SLC8A1: variants seen among roughly 807,000 people sequenced by gnomAD.
The protein encoded by SLC8A1 is solute carrier family 8 member A1.
In SLC8A1, 18 loss-of-function variants were observed where a neutral mutation model predicts 68.3. The observed-to-expected ratio is 0.26, with a 90% CI of 0.18 to 0.39. The LOEUF (loss-of-function observed/expected upper bound fraction) is 0.39, where lower values mean the gene tolerates loss of function less well. Ranked by LOEUF, SLC8A1 falls within the 10% of genes least tolerant of loss-of-function variation. The pLI is 1.00. For synonymous variants in SLC8A1, 475 were observed against 415.5 expected (o/e 1.14, Z -1.74); for missense variants, 985 against 1,156.7 (o/e 0.85, Z 2.15).
intron 2 of SLC8A1, among the ~76,000 whole-genome samples, chr2:40,231,511 T>G (rs763981618): frequency 1.3e-5 from 2 of 152,132 alleles, no homozygotes; most frequent in African/African-American, 4.8e-5. Context: ...TTTTATTTTC[T>G]TTGAGTCTCA....
In SLC8A1 at chr2:40,268,524, C is replaced by T. The variant is rs185049545; in HGVS notation, c.1809-90669G>A. 2.0e-5 allele frequency among the ~76,000 whole-genome samples: 3 copies of T among 152,142 alleles called. No individual in the cohort carries two copies. In the East Asian group the frequency reaches 5.8e-4, roughly 29 times the overall value. On this transcript the variant is annotated intron_variant, in intron 2 of 7. Coordinates refer to ENST00000406785, the Ensembl canonical transcript of SLC8A1. ...CAGGATATGGGGAATGCCTTGGTAC[C>T]CCCCATTAATGTTAATAGGAATCAT...
At chr2:40,379,049 T>C (rs1680864489) in intron 2 of SLC8A1, among the ~76,000 whole-genome samples, 1 of 152,144 alleles carries the variant, frequency 6.6e-6, no homozygotes, top group South Asian at 2.1e-4. Flanking sequence ...TTTGTCACTG[T>C]TTTACCGCCA....
chr2:40,449,290 T>G (rs950733762), intron 1 of SLC8A1, among the ~76,000 whole-genome samples: 29 of 152,148 alleles, frequency 1.9e-4, no homozygotes, highest in African/African-American at 7.0e-4. Context: ...GAATTGCAAC[T>G]TCCTTGGATC....
chr2:40,139,597 C>G (rs757993523), exon 7 of SLC8A1: 2 of 1,614,182 alleles, frequency 1.2e-6, no homozygotes, highest in Admixed American at 1.7e-5. Context: ...CCTTCCAGAA[C>G]ACAGTCAGAA....
In SLC8A1 at chr2:40,495,004, T is replaced by C. The variant is rs369147784; in HGVS notation, c.-25+17345A>G. On this transcript the variant is annotated intron_variant, in intron 1 of 7. Transcript: ENST00000402441. Reference sequence around the variant, plus strand: ...GCAAAGATTGAAGTAAAAAAAATCATGCTTCTGGGAGGTAAGGTTTGGTAC... The same window carrying C: ...GCAAAGATTGAAGTAAAAAAAATCACGCTTCTGGGAGGTAAGGTTTGGTAC... Among the ~76,000 whole-genome samples the C allele has an allele frequency of 1.3e-4, 19 of 151,900 alleles. No individual in the cohort carries two copies. In the East Asian group the frequency reaches 3.3e-3, roughly 26 times the overall value.
intron 6 of SLC8A1, among the ~76,000 whole-genome samples, chr2:40,146,665 G>A (rs115506444): frequency 0.01 from 1,564 of 151,638 alleles, 28 homozygotes; most frequent in African/African-American, 0.035. Context: ...AGGCATTAGA[G>A]TCTCATAAGG....
chr2:40,259,070 G>T (rs1245230442), intron 2 of SLC8A1, among the ~76,000 whole-genome samples: 1 of 152,142 alleles, frequency 6.6e-6, no homozygotes, highest in East Asian at 1.9e-4. Context: ...AGGGTGTGAG[G>T]TGTTACTATT....
chr2:40,115,533 C>G, exon 8 of SLC8A1: 1 of 1,614,192 alleles, frequency 6.2e-7, no homozygotes, highest in Non-Finnish European at 8.5e-7. Flanking sequence ...CACACCGATT[C>G]CCAGGAAGAC....
intron 1 of SLC8A1, among the ~76,000 whole-genome samples, chr2:40,480,767 T>C (rs894507758): frequency 2.6e-5 from 4 of 152,156 alleles, no homozygotes; most frequent in Non-Finnish European, 4.4e-5. Context: ...CCACATATTG[T>C]CGAGAATGAA....
intron 4 of SLC8A1, among the ~76,000 whole-genome samples, chr2:40,169,049 A>T (rs2047023137): frequency 6.6e-6 from 1 of 152,208 alleles, no homozygotes; most frequent in South Asian, 2.1e-4. Flanking sequence ...AATAAAAGCT[A>T]ATAGGTACCT....
intron 2 of SLC8A1, among the ~76,000 whole-genome samples, chr2:40,394,456 C>CGT (rs903893498): frequency 1.3e-5 from 2 of 150,390 alleles, no homozygotes; most frequent in Non-Finnish European, 3.0e-5. Context: ...TGTGTGTGTG[C>CGT]GTGTGTGTGT....
At chr2:40,215,619 G>A (rs1240008159) in intron 2 of SLC8A1, among the ~76,000 whole-genome samples, 1 of 143,414 alleles carries the variant, frequency 7.0e-6, no homozygotes, top group Non-Finnish European at 1.5e-5. Flanking sequence ...AGTCCGGCCT[G>A]GGCGACAAAG....
rs1572906542 is a variant in SLC8A1 at position 40,130,354 on chromosome 2, C to T, written c.2437+9047G>A. On this transcript the variant is annotated intron_variant, in intron 7 of 7. Coordinates refer to ENST00000406785, the Ensembl canonical transcript of SLC8A1. ...CTCTCCTCAAAAATGTTTGCCTTTG[C>T]AGGCTTCCTTTAACTCTAATGACAT... 3.3e-5 allele frequency among the ~76,000 whole-genome samples: 5 copies of T among 152,360 alleles called. No homozygotes were observed. In the South Asian group the frequency reaches 6.2e-4, roughly 19 times the overall value.
chr2:40,253,167 ATACACACAAAT>A (rs1287489474), intron 2 of SLC8A1, among the ~76,000 whole-genome samples: 1 of 135,012 alleles, frequency 7.4e-6, no homozygotes, highest in Non-Finnish European at 1.6e-5. Flanking sequence ...ATATATGTAT[ATACACACAAAT>A]ATACATATAT....
intron 2 of SLC8A1, among the ~76,000 whole-genome samples, chr2:40,277,207 G>C (rs934223185): frequency 6.6e-6 from 1 of 151,800 alleles, no homozygotes; most frequent in Non-Finnish European, 1.5e-5. Context: ...ACTCTGACAA[G>C]TTACTTGCCC....
exon 8 of SLC8A1, chr2:40,098,958 A>G (rs546412435): frequency 2.0e-4 from 30 of 152,168 alleles, no homozygotes; most frequent in African/African-American, 6.0e-4. Context: ...TTTCCTTTTT[A>G]ATGATATCAG....
intron 1 of SLC8A1, among the ~76,000 whole-genome samples, chr2:40,464,841 TAA>T (rs1703563666): frequency 6.6e-6 from 1 of 152,090 alleles, no homozygotes; most frequent in East Asian, 1.9e-4. Flanking sequence ...AGATGCTGAG[TAA>T]AGAGTCCATC....
intron 2 of SLC8A1, among the ~76,000 whole-genome samples, chr2:40,425,531 T>A (rs1232851398): frequency 6.6e-6 from 1 of 151,890 alleles, no homozygotes; most frequent in East Asian, 1.9e-4. Context: ...GAAAGAATAA[T>A]AAAGTCTGGC....
chr2:40,361,306 G>A (rs1261323993), intron 2 of SLC8A1, among the ~76,000 whole-genome samples: 1 of 152,226 alleles, frequency 6.6e-6, no homozygotes, highest in South Asian at 2.1e-4. Context: ...GTTACTTCAA[G>A]TGTCAAATTA....
Sources: gnomAD v4.1 joint callset for allele counts (sites outside exome capture counted in the v4.1 genomes callset) on GRCh38, gnomAD v4.1.1 for gene constraint, MANE v1.5 for transcripts, NCBI Gene and HGNC (gene_info 2026-07-23, HGNC 2026-07-21) for gene names.